The following CEP85L variants were observed in gnomAD, a reference collection of about 807,000 sequenced individuals.
The protein encoded by CEP85L is centrosomal protein 85L, also known as centrosomal protein of 85 kDa-like.
A neutral mutation model predicts 100.3 loss-of-function variants in CEP85L; 60 were observed. The ratio of observed to expected loss-of-function variants is 0.60; its 90% CI spans 0.49 to 0.74. CEP85L has a LOEUF of 0.74. Ranked by LOEUF, CEP85L falls within the 30% of genes least tolerant of loss-of-function variation. The probability of loss-of-function intolerance (pLI) is 0.00; values close to 1 mark genes in which losing one functional copy is unlikely to be tolerated. For synonymous variants in CEP85L, 319 were observed against 322.7 expected, an observed-to-expected ratio of 0.99 and a Z score of 0.12; for missense variants, 973 against 936.2, an observed-to-expected ratio of 1.04 and a Z score of -0.51.
rs147916861 is a variant in CEP85L at position 118,491,860 on chromosome 6, T to C, written c.1263A>G (p.Gln421=). 141 of 1,586,498 alleles carry C rather than the reference T, an allele frequency of 8.9e-5. No homozygotes were observed. The East Asian group carries it at 3.1e-3, about 35-fold the overall frequency. Residue 421 remains glutamine (Q), a synonymous_variant, in exon 6 of 13, where the codon CAA becomes CAG. Transcript: ENST00000368491. ...EDSYVASLQP[Q]YENTSLQTPF... The stretch of plus-strand genomic sequence containing the variant: ...GTGTCTGGAGTGAAGTGTTCTCATA[T>C]TGTGGCTGTTAGGAAAGAAAAAAAG...
rs745401588 is a variant in CEP85L, at chr6:118,565,758, G to A, written c.791C>T (p.Pro264Leu). The change falls in exon 3 of 13, where the codon CCC becomes CTC. Residue 264 changes from proline to leucine, a missense_variant. By Grantham distance (98) the Pro-to-Leu change is moderately conservative. Coordinates refer to ENST00000368491, the MANE Select transcript of CEP85L (RefSeq NM_001042475.3). Reference protein sequence around the residue: ...MTYSALPESKPIMTSSEAFEP... With the variant: ...MTYSALPESKLIMTSSEAFEP... ...AAAAGCCTCTGAGCTTGTCATAATGGGCTTGCTTTCAGGTAAGGCACTATA... is the reference window on the plus strand; with the variant it reads ...AAAAGCCTCTGAGCTTGTCATAATGAGCTTGCTTTCAGGTAAGGCACTATA... 1.2e-6 allele frequency: 2 copies of A among 1,614,094 alleles called. No homozygotes were observed. Among genetic ancestry groups the A allele is most frequent in the East Asian group, 4.5e-5 (2 of 44,888 alleles).
At chr6:118,677,955 C>A (rs985706281) in intron 1 of CEP85L, among the ~76,000 whole-genome samples, 5 of 152,188 alleles carry the variant, frequency 3.3e-5, no homozygotes, top group Non-Finnish European at 4.4e-5. Context: ...CAATTTTGCA[C>A]CCTTCTAATT....
intron 1 of CEP85L, among the ~76,000 whole-genome samples, chr6:118,660,533 A>AG (rs1775936966): frequency 6.6e-6 from 1 of 152,230 alleles, no homozygotes; most frequent in Non-Finnish European, 1.5e-5. Flanking sequence ...GATTTCTGGG[A>AG]GAAAAAAGAG....
At chr6:118,480,552 A>G in intron 8 of CEP85L, 39 bp from the exon 9 acceptor site, 1 of 1,267,278 alleles carries the variant, frequency 7.9e-7, no homozygotes, top group Non-Finnish European at 1.1e-6. Flanking sequence ...AATAAGCTCT[A>G]TTTGCTGATT....
intron 4 of CEP85L, among the ~76,000 whole-genome samples, chr6:118,512,702 T>C (rs1292964224): frequency 7.2e-5 from 11 of 152,176 alleles, no homozygotes; most frequent in Middle Eastern, 3.4e-3. Context: ...GAGTCTTGTC[T>C]CAGTGGGGAA....
intron 5 of CEP85L, among the ~76,000 whole-genome samples, chr6:118,496,757 T>C (rs1774953323): frequency 6.6e-6 from 1 of 152,202 alleles, no homozygotes; most frequent in South Asian, 2.1e-4. Context: ...GGCAACACAT[T>C]TCAGTGACAC....
chr6:118,503,877 C>T (rs1775473675), intron 5 of CEP85L, among the ~76,000 whole-genome samples: 2 of 146,398 alleles, frequency 1.4e-5, no homozygotes, highest in African/African-American at 5.0e-5. Flanking sequence ...TTGGCTATGG[C>T]AATGACTTTT....
intron 1 of CEP85L, among the ~76,000 whole-genome samples, chr6:118,706,165 A>T (rs189690012): frequency 1.3e-5 from 2 of 152,326 alleles, no homozygotes; most frequent in Non-Finnish European, 2.9e-5. Context: ...AAATTTAACC[A>T]CAGAACACAG....
At chr6:118,582,481 G>C (rs905703782) in intron 2 of CEP85L, among the ~76,000 whole-genome samples, 5 of 152,148 alleles carry the variant, frequency 3.3e-5, no homozygotes, top group African/African-American at 1.2e-4. Flanking sequence ...GCAGACCAAG[G>C]AGAAAAAGAG....
chr6:118,577,463 G>A (rs1780311224), intron 2 of CEP85L, among the ~76,000 whole-genome samples: 1 of 152,182 alleles, frequency 6.6e-6, no homozygotes, highest in South Asian at 2.1e-4. Context: ...CACAAGGGGT[G>A]CCAAATGAAT....
At chr6:118,479,301 A>T (rs966180275) in intron 10 of CEP85L, among the ~76,000 whole-genome samples, 9 of 152,110 alleles carry the variant, frequency 5.9e-5, no homozygotes, top group African/African-American at 2.2e-4. Flanking sequence ...GTATAAAGCT[A>T]AACATTTTTC....
intron 3 of CEP85L, among the ~76,000 whole-genome samples, chr6:118,560,884 C>A (rs1404259931): frequency 6.6e-6 from 1 of 152,124 alleles, no homozygotes; most frequent in Non-Finnish European, 1.5e-5. Context: ...ACCTATACTG[C>A]ATAATCCAAC....
At chr6:118,671,666 G>C (rs1336541489) in intron 1 of CEP85L, among the ~76,000 whole-genome samples, 1 of 152,152 alleles carries the variant, frequency 6.6e-6, no homozygotes, top group Non-Finnish European at 1.5e-5. Flanking sequence ...AGCTGGGCAT[G>C]GTGGTTCATG....
intron 1 of CEP85L, among the ~76,000 whole-genome samples, chr6:118,642,956 GT>G (rs1418243694): frequency 6.6e-6 from 1 of 152,138 alleles, no homozygotes; most frequent in Non-Finnish European, 1.5e-5. Flanking sequence ...CACGTATTTA[GT>G]TTTTGGTAAG....
At chr6:118,649,529 C>T (rs376230041) in intron 1 of CEP85L, among the ~76,000 whole-genome samples, 2 of 152,094 alleles carry the variant, frequency 1.3e-5, no homozygotes, top group East Asian at 1.9e-4. Flanking sequence ...GCTATTATCA[C>T]GAATAAATTT....
chr6:118,485,484 TG>T (rs1400395792), intron 6 of CEP85L, among the ~76,000 whole-genome samples: 1 of 152,226 alleles, frequency 6.6e-6, no homozygotes, highest in Non-Finnish European at 1.5e-5. Context: ...GGAGCAACAC[TG>T]GTAAGACAAA....
chr6:118,683,681 A>G (rs1308145464), intron 1 of CEP85L, among the ~76,000 whole-genome samples: 3 of 152,208 alleles, frequency 2.0e-5, no homozygotes, highest in East Asian at 3.8e-4. Context: ...AGCTGGATGT[A>G]ATATGTCTAC....
chr6:118,521,932 A>G (rs142583690), intron 4 of CEP85L, among the ~76,000 whole-genome samples: 1 of 152,330 alleles, frequency 6.6e-6, no homozygotes, highest in African/African-American at 2.4e-5. Context: ...TATTATGTCA[A>G]TAATTTTCTG....
rs569203288 is a variant in CEP85L at position 118,568,926 on chromosome 6, T to C, written c.233-2610A>G. 2.6e-5 allele frequency among the ~76,000 whole-genome samples: 4 copies of C among 152,262 alleles called. No individual in the cohort carries two copies. The South Asian group carries it at 8.3e-4, about 32-fold the overall frequency. On this transcript the variant is annotated intron_variant, in intron 2 of 12. Coordinates refer to ENST00000368491, the MANE Select transcript of CEP85L (RefSeq NM_001042475.3). ...AGGAGTAGTTATACTAAAATCATCA[T>C]AGCCTCTAAAAGATATCTTTAAATT... is the stretch of plus-strand genomic sequence containing the variant.
Sources: gnomAD v4.1 joint callset for allele counts (sites outside exome capture counted in the v4.1 genomes callset) on GRCh38, gnomAD v4.1.1 for gene constraint, MANE v1.5 for transcripts, NCBI Gene and HGNC (gene_info 2026-07-23, HGNC 2026-07-21) for gene names.